WWOX: variants seen among roughly 807,000 people sequenced by gnomAD.
WWOX encodes the protein WW domain containing oxidoreductase.
WWOX carries 69 observed loss-of-function variants against 46.2 expected under a neutral mutation model. The ratio of observed to expected loss-of-function variants is 1.49; its 90% CI spans 1.23 to 1.82. The LOEUF is 1.82. Ranked by LOEUF, WWOX falls within the 40% of genes most tolerant of loss-of-function variation. The pLI is 0.00. For missense variants in WWOX, 919 were observed against 542.6 expected (o/e 1.69, Z -6.89); for synonymous variants, 359 against 202.6 (o/e 1.77, Z -6.56).
chr16:78,364,533 A>G (rs2081488366), intron 5 of WWOX, among the ~76,000 whole-genome samples: 1 of 150,644 alleles, frequency 6.6e-6, no homozygotes, highest in African/African-American at 2.4e-5. Context: ...TGCAACAAAT[A>G]AATCTTTGGG....
chr16:78,604,713 TC>T (rs1159538765), intron 8 of WWOX, among the ~76,000 whole-genome samples: 63 of 5,854 alleles, frequency 0.011, 2 homozygotes, highest in Admixed American at 0.03. Flanking sequence ...CCTCCCTCCT[TC>T]CCCCCTCCCT....
chr16:79,081,695 A>G (rs957524186), intron 8 of WWOX, among the ~76,000 whole-genome samples: 1 of 152,154 alleles, frequency 6.6e-6, no homozygotes, highest in African/African-American at 2.4e-5. Flanking sequence ...ACCCAAGACC[A>G]GGAATAGCCC....
At chr16:78,635,103 G>C (rs1364852417) in intron 8 of WWOX, among the ~76,000 whole-genome samples, 1 of 152,126 alleles carries the variant, frequency 6.6e-6, no homozygotes, top group Admixed American at 6.5e-5. Context: ...GATTACGCCA[G>C]GAAGTCAGAT....
At chr16:78,911,353 C>T (rs935131657) in intron 8 of WWOX, among the ~76,000 whole-genome samples, 2 of 152,022 alleles carry the variant, frequency 1.3e-5, no homozygotes, top group Non-Finnish European at 2.9e-5. Context: ...GTAAACTGTA[C>T]CCTCCTGCTG....
At chr16:79,044,335 G>C (rs1247914868) in intron 8 of WWOX, among the ~76,000 whole-genome samples, 10 of 152,202 alleles carry the variant, frequency 6.6e-5, no homozygotes, top group Admixed American at 6.5e-4. Flanking sequence ...AAGGTAATCT[G>C]CAGCGTTGGA....
intron 8 of WWOX, among the ~76,000 whole-genome samples, chr16:78,806,696 A>G (rs879005705): frequency 1.3e-5 from 2 of 152,086 alleles, no homozygotes; most frequent in Admixed American, 6.5e-5. Flanking sequence ...ATGGCCTTCC[A>G]TAGAAGTTAC....
At chr16:78,593,397 C>T (rs959786959) in intron 8 of WWOX, among the ~76,000 whole-genome samples, 3 of 152,156 alleles carry the variant, frequency 2.0e-5, no homozygotes, top group African/African-American at 7.2e-5. Context: ...GCATTTTCCC[C>T]CATCACCCTT....
chr16:78,494,744 T>C (rs1374133402), intron 8 of WWOX, among the ~76,000 whole-genome samples: 1 of 152,178 alleles, frequency 6.6e-6, no homozygotes, highest in Non-Finnish European at 1.5e-5. Context: ...AGTCAGCACA[T>C]TGAGCGTTTT....
intron 8 of WWOX, among the ~76,000 whole-genome samples, chr16:79,072,692 C>T (rs896761832): frequency 6.6e-6 from 1 of 152,224 alleles, no homozygotes; most frequent in Non-Finnish European, 1.5e-5. Context: ...ATCACCATCA[C>T]CATCGTCATC....
intron 8 of WWOX, among the ~76,000 whole-genome samples, chr16:79,089,370 C>T (rs1408183655): frequency 4.0e-5 from 6 of 148,962 alleles, no homozygotes; most frequent in African/African-American, 9.9e-5. Context: ...CTAGCTCTGT[C>T]GCCCAGGCTG....
chr16:78,303,012 G>A (rs950023540), intron 5 of WWOX, among the ~76,000 whole-genome samples: 2 of 152,118 alleles, frequency 1.3e-5, no homozygotes, highest in African/African-American at 4.8e-5. Flanking sequence ...CTCTCCATAT[G>A]GATTTTCATT....
chr16:78,488,808 C>T (rs536080241), intron 8 of WWOX, among the ~76,000 whole-genome samples: 1 of 152,256 alleles, frequency 6.6e-6, no homozygotes, highest in Non-Finnish European at 1.5e-5. Flanking sequence ...CTAATGATAT[C>T]ATTATGGCAG....
chr16:79,187,787 T>A (rs563560869), intron 8 of WWOX, among the ~76,000 whole-genome samples: 60 of 152,260 alleles, frequency 3.9e-4, no homozygotes, highest in African/African-American at 1.4e-3. Context: ...AGCAATGCAC[T>A]GGCCTTGGCC....
At position 78,529,700 on chromosome 16, in the gene WWOX, C is replaced by T. The variant is rs192191634; in HGVS notation, c.1056+96948C>T. On this transcript the variant is annotated intron_variant, in intron 8 of 8. Transcript: ENST00000566780. ...GGCAGGATGGTCTCGATCTCCTGAC[C>T]TCGTGATCCACCCACCTCGGCCTCC... 3.8e-4 allele frequency among the ~76,000 whole-genome samples: 58 copies of T among 152,034 alleles called. No homozygotes were observed. In the East Asian group the frequency reaches 7.6e-3, roughly 20 times the overall value.
At chr16:78,381,407 G>A (rs890500481) in intron 5 of WWOX, among the ~76,000 whole-genome samples, 6 of 151,882 alleles carry the variant, frequency 4.0e-5, no homozygotes, top group African/African-American at 1.5e-4. Context: ...TATATTCAAG[G>A]GAAATGGGAG....
intron 8 of WWOX, among the ~76,000 whole-genome samples, chr16:78,995,664 A>C (rs1199674580): frequency 2.6e-5 from 4 of 152,234 alleles, no homozygotes; most frequent in Non-Finnish European, 5.9e-5. Flanking sequence ...GCAAGATTAC[A>C]TATATAGCCA....
chr16:79,080,245 G>A (rs77279002), intron 8 of WWOX, among the ~76,000 whole-genome samples: 1 of 152,184 alleles, frequency 6.6e-6, no homozygotes, highest in East Asian at 1.9e-4. Context: ...TAGCGATAGA[G>A]ACAGAAACCC....
At chr16:78,855,834 G>A (rs1202411831) in intron 8 of WWOX, among the ~76,000 whole-genome samples, 2 of 152,190 alleles carry the variant, frequency 1.3e-5, no homozygotes, top group South Asian at 2.1e-4. Flanking sequence ...CCTTGGGTCT[G>A]TCAGATTCTG....
intron 8 of WWOX, among the ~76,000 whole-genome samples, chr16:78,614,380 T>A (rs1350762423): frequency 1.3e-5 from 2 of 152,244 alleles, no homozygotes; most frequent in African/African-American, 2.4e-5. Flanking sequence ...ATATCTTCAA[T>A]GCATCATTTA....
Sources: allele counts gnomAD v4.1 joint callset (sites outside exome capture counted in the v4.1 genomes callset), GRCh38; gene constraint gnomAD v4.1.1; transcripts MANE v1.5; gene names NCBI Gene and HGNC (gene_info 2026-07-23, HGNC 2026-07-21).